Variants in LMOD1 observed in about 807,000 individuals in gnomAD.
The protein encoded by LMOD1 is leiomodin-1.
LMOD1 carries 8 observed loss-of-function variants against 36.5 expected under a neutral mutation model. The ratio of observed to expected loss-of-function variants is 0.22; its 90% CI spans 0.13 to 0.40. The LOEUF is 0.40. Ranked by LOEUF, LMOD1 falls within the 10% of genes least tolerant of loss-of-function variation. LMOD1 has a pLI of 1.00. For synonymous variants in LMOD1, 284 were observed against 288.7 expected (o/e 0.98, Z 0.17); for missense variants, 630 against 751.1 (o/e 0.84, Z 1.88).
At chr1:201,907,012 T>C (rs374064432) in intron 1 of LMOD1, among the ~76,000 whole-genome samples, 2 of 152,372 alleles carry the variant, frequency 1.3e-5, no homozygotes, top group South Asian at 2.1e-4. Flanking sequence ...AGGAGTCCTC[T>C]ACTGAGGCTA....
chr1:201,914,560 A>C (rs919881450), intron 1 of LMOD1, among the ~76,000 whole-genome samples: 3 of 151,818 alleles, frequency 2.0e-5, no homozygotes, highest in African/African-American at 7.3e-5. Context: ...ATCTATCCGA[A>C]TTCTTCTCCC....
chr1:201,915,848 G>T lies in LMOD1; in HGVS notation c.262-15097C>A, dbSNP rs115372803. Among the ~76,000 whole-genome samples, 447 of 152,158 alleles carry T rather than the reference G, an allele frequency of 2.9e-3. 2 individuals carry two copies. Among genetic ancestry groups the T allele is most frequent in the African/African-American group, 9.5e-3 (394 of 41,520 alleles). ...CTCGGTTTCGCTGACCTCCTCCAGGGCGATCCTTGCACGGCAGCCCCAGGG... is the reference window on the plus strand; with the variant it reads ...CTCGGTTTCGCTGACCTCCTCCAGGTCGATCCTTGCACGGCAGCCCCAGGG... On this transcript the variant is annotated intron_variant, in intron 1 of 2. Transcript: ENST00000367288.
At chr1:201,937,249 C>A (rs1468872693) in intron 1 of LMOD1, among the ~76,000 whole-genome samples, 2 of 151,884 alleles carry the variant, frequency 1.3e-5, no homozygotes, top group Non-Finnish European at 1.5e-5. Context: ...AGTTCAAGAC[C>A]AGCCTTGGCA....
chr1:201,946,061 C>CAGGGG lies in LMOD1; in HGVS notation c.261+18_261+19insCCCCT. ...CCTCCCCTGTCTCCCTCCTCCCCTC[C>CAGGGG]AGGGCTGTGCTCACTCACATCCATG... On this transcript the variant is annotated intron_variant, in intron 1 of 2. Transcript: ENST00000367288. The CAGGGG allele has an allele frequency of 6.2e-7, 1 of 1,607,896 alleles. No homozygotes were observed.
At chr1:201,938,471 G>T (rs143173403) in intron 1 of LMOD1, among the ~76,000 whole-genome samples, 1 of 152,198 alleles carries the variant, frequency 6.6e-6, no homozygotes, top group Non-Finnish European at 1.5e-5. Context: ...GCTCCAAGAC[G>T]TGAAGTCACT....
chr1:201,940,091 G>A (rs972484868), intron 1 of LMOD1, among the ~76,000 whole-genome samples: 3 of 151,348 alleles, frequency 2.0e-5, no homozygotes, highest in African/African-American at 7.3e-5. Context: ...TCTATATCCC[G>A]CTCTCACTGG....
intron 1 of LMOD1, among the ~76,000 whole-genome samples, chr1:201,906,652 A>C (rs1417303834): frequency 6.6e-6 from 1 of 152,202 alleles, no homozygotes; most frequent in Non-Finnish European, 1.5e-5. Flanking sequence ...CACCCACTGC[A>C]GTCTCCTGCC....
intron 1 of LMOD1, among the ~76,000 whole-genome samples, chr1:201,930,196 A>G (rs541357465): frequency 6.6e-6 from 1 of 152,312 alleles, no homozygotes; most frequent in Non-Finnish European, 1.5e-5. Context: ...AAGAAGTGTG[A>G]ATTTGATCAC....
intron 1 of LMOD1, among the ~76,000 whole-genome samples, chr1:201,902,261 G>A (rs1413309265): frequency 2.0e-5 from 3 of 151,398 alleles, no homozygotes; most frequent in African/African-American, 4.9e-5. Context: ...CTTAGCTAAG[G>A]ACAAGCATCT....
At chr1:201,922,704 T>C (rs984575375) in intron 1 of LMOD1, among the ~76,000 whole-genome samples, 14 of 150,578 alleles carry the variant, frequency 9.3e-5, no homozygotes, top group African/African-American at 3.4e-4. Flanking sequence ...ACACTGAATA[T>C]ACTGAATATA....
chr1:201,921,062 C>T (rs1681695756), intron 1 of LMOD1, among the ~76,000 whole-genome samples: 1 of 151,982 alleles, frequency 6.6e-6, no homozygotes, highest in Non-Finnish European at 1.5e-5. Flanking sequence ...CCCTGATTTC[C>T]AGTTTGGTTG....
intron 1 of LMOD1, among the ~76,000 whole-genome samples, chr1:201,914,185 T>C (rs1156726922): frequency 6.6e-6 from 1 of 152,180 alleles, no homozygotes; most frequent in Non-Finnish European, 1.5e-5. Flanking sequence ...GCCAAAGCAC[T>C]GACTGCAGGC....
At chr1:201,930,735 A>T (rs1402644745) in intron 1 of LMOD1, among the ~76,000 whole-genome samples, 1 of 152,218 alleles carries the variant, frequency 6.6e-6, no homozygotes, top group Non-Finnish European at 1.5e-5. Context: ...TGAAGACTGC[A>T]TAGGAAGGGC....
In LMOD1 at chr1:201,922,544, G is replaced by A. The variant is rs563789022; in HGVS notation, c.262-21793C>T. On this transcript the variant is annotated intron_variant, in intron 1 of 2. Coordinates refer to ENST00000367288, the MANE Select transcript of LMOD1 (RefSeq NM_012134.3). ...CAGAATAGGCAAATCTGTAGAGACA[G>A]AAAATGGATTAGCGGTTGCCAGTGG... Among the ~76,000 whole-genome samples, 796 of 152,210 alleles carry A rather than the reference G, an allele frequency of 5.2e-3. 9 individuals carry two copies. Among genetic ancestry groups the A allele is most frequent in the South Asian group, 0.029 (142 of 4,820 alleles).
intron 1 of LMOD1, among the ~76,000 whole-genome samples, chr1:201,914,788 A>G (rs1278145029): frequency 8.5e-6 from 1 of 117,284 alleles, no homozygotes; most frequent in Admixed American, 9.4e-5. Context: ...TCCTCCCCAC[A>G]TTGCACTCCC....
chr1:201,905,745 A>T (rs1681400885), intron 1 of LMOD1, among the ~76,000 whole-genome samples: 1 of 152,216 alleles, frequency 6.6e-6, no homozygotes. Context: ...GGAAGTCTGC[A>T]GACAGACCCT....
rs768631375 is a variant in LMOD1 at position 201,946,085 on chromosome 1, T to A, written c.256A>T (p.Met86Leu). 3.7e-6 allele frequency: 6 copies of A among 1,613,628 alleles called. No homozygotes were observed. The East Asian group carries it at 1.3e-4, about 36-fold the overall frequency. Reference protein sequence around the residue: ...TKKLMQREMSMDESKQVETKT... With the variant: ...TKKLMQREMSLDESKQVETKT... Reference sequence around the variant, plus strand: ...CCAGGGCTGTGCTCACTCACATCCATGGACATCTCCCTCTGCATAAGTTTC... The same window carrying A: ...CCAGGGCTGTGCTCACTCACATCCAAGGACATCTCCCTCTGCATAAGTTTC... Residue 86 changes from methionine (M) to leucine (L), a missense_variant, in exon 1 of 3, where the codon ATG becomes TTG. Coordinates refer to ENST00000367288, the MANE Select transcript of LMOD1 (RefSeq NM_012134.3).
chr1:201,946,516 CAG>C lies in LMOD1; in HGVS notation c.-178_-177del. ...CAGGTGCTGAAGTGTTCACTGGACG[CAG>C]CAGCCTCCCTGAAGCCCAGGGCTAG... On this transcript the variant is annotated 5_prime_UTR_variant, in exon 1 of 3. Transcript: ENST00000367288. 1.5e-6 allele frequency: 1 copy of C among 670,608 alleles called. No individual in the cohort carries two copies. Among genetic ancestry groups the C allele is most frequent in the Non-Finnish European group, 2.5e-6 (1 of 402,506 alleles). The allele number at this position is 670,608 out of a possible 1,614,324, so 41.5% of individuals were successfully genotyped here.
At chr1:201,906,838 T>C (rs1681420773) in intron 1 of LMOD1, among the ~76,000 whole-genome samples, 1 of 151,616 alleles carries the variant, frequency 6.6e-6, no homozygotes, top group South Asian at 2.1e-4. Context: ...AGGACTAGCC[T>C]GGGCAACATA....
Sources: allele counts gnomAD v4.1 joint callset (sites outside exome capture counted in the v4.1 genomes callset), GRCh38; gene constraint gnomAD v4.1.1; transcripts MANE v1.5; gene names NCBI Gene and HGNC (gene_info 2026-07-23, HGNC 2026-07-21).